AFAP1: variants seen among roughly 807,000 people sequenced by gnomAD.
AFAP1 encodes actin filament-associated protein 1.
In AFAP1, 75 loss-of-function variants were observed where a neutral mutation model predicts 93.9. That is an observed-to-expected ratio of 0.80 (90% confidence interval 0.66 to 0.97). The LOEUF is 0.97. Ranked by LOEUF, AFAP1 falls within the 50% of genes least tolerant of loss-of-function variation. AFAP1 has a pLI of 0.00. For synonymous variants in AFAP1, 517 were observed against 430.7 expected, an observed-to-expected ratio of 1.20 and a Z score of -2.48; for missense variants, 1,201 against 1,050.8, an observed-to-expected ratio of 1.14 and a Z score of -1.98.
In AFAP1 at chr4:7,763,684, C is replaced by G. The variant is rs1714124971; in HGVS notation, c.*81G>C. The stretch of plus-strand genomic sequence containing the variant: ...GTCGTGCAGCTGAGGCCACTCTGGG[C>G]AGAGCTTCCTGCCGTCACACAGATG... On this transcript the variant is annotated 3_prime_UTR_variant, in exon 18 of 18. Coordinates refer to ENST00000420658, the MANE Select transcript of AFAP1 (RefSeq NM_001134647.2). The G allele has an allele frequency of 6.5e-7, 1 of 1,532,368 alleles. No individual in the cohort carries two copies. The highest frequency in any genetic ancestry group is 8.8e-7 in the Non-Finnish European group (1 of 1,130,004). 94.9% of individuals were successfully genotyped at this position (1,532,368 alleles called of 1,614,324 possible). A position where few individuals can be genotyped will look rare whatever the true frequency, so the allele number is the denominator to read the frequency against.
intron 8 of AFAP1, among the ~76,000 whole-genome samples, chr4:7,810,002 G>A (rs1719872224): frequency 6.6e-6 from 1 of 152,106 alleles, no homozygotes; most frequent in Non-Finnish European, 1.5e-5. Context: ...GGGACCACAG[G>A]TGCGTGTCAC....
chr4:7,780,161 A>T (rs142531349), intron 13 of AFAP1, among the ~76,000 whole-genome samples: 254 of 152,344 alleles, frequency 1.7e-3, no homozygotes, highest in African/African-American at 5.7e-3. Context: ...ACTTTTTGGC[A>T]TAAGTCCTCA....
intron 9 of AFAP1, among the ~76,000 whole-genome samples, chr4:7,806,753 G>T (rs1284748750): frequency 6.6e-6 from 1 of 152,150 alleles, no homozygotes; most frequent in Non-Finnish European, 1.5e-5. Flanking sequence ...GTGGACAGAG[G>T]ATGTTCTGTT....
At chr4:7,933,105 T>C (rs1721182096) in intron 1 of AFAP1, among the ~76,000 whole-genome samples, 1 of 150,080 alleles carries the variant, frequency 6.7e-6, no homozygotes, top group Admixed American at 6.6e-5. Flanking sequence ...ACCAGAGGCA[T>C]TGAAAACCAC....
intron 17 of AFAP1, among the ~76,000 whole-genome samples, chr4:7,766,779 TGAAGG>T (rs1560142439): frequency 6.6e-6 from 1 of 151,850 alleles, no homozygotes; most frequent in African/African-American, 2.4e-5. Flanking sequence ...CCTGCCCAGA[TGAAGG>T]GAAGGGAAAT....
intron 1 of AFAP1, among the ~76,000 whole-genome samples, chr4:7,898,286 T>C (rs904821751): frequency 3.3e-5 from 5 of 152,074 alleles, no homozygotes; most frequent in African/African-American, 1.2e-4. Flanking sequence ...TAGGCACCTG[T>C]AATCCCAGCT....
At chr4:7,882,722 G>A (rs1254384908) in intron 1 of AFAP1, among the ~76,000 whole-genome samples, 1 of 152,154 alleles carries the variant, frequency 6.6e-6, no homozygotes, top group East Asian at 1.9e-4. Flanking sequence ...AGCAGGGCGT[G>A]GTGGCACGTG....
At position 7,838,579 on chromosome 4, in the gene AFAP1, G is replaced by A. The variant is rs748965215; in HGVS notation, c.671C>T (p.Thr224Met). 19 of 1,614,008 alleles carry A rather than the reference G, an allele frequency of 1.2e-5. No individual in the cohort carries two copies. The highest frequency in any genetic ancestry group is 3.3e-5 in the Admixed American group (2 of 59,988). Residue 224 changes from threonine (T) to methionine (M), a missense_variant, in exon 6 of 18, where the codon ACG becomes ATG. Transcript: ENST00000420658. The stretch of plus-strand genomic sequence containing the variant: ...CTGGACGGCGAGAACAAGCGGGTCC[G>A]TGCCCTGCTGAGTAATCTTCAGCTC... ...KHELKITQQG[T>M]DPLVLAVQSK... is the part of the protein sequence containing the mutation.
At chr4:7,895,709 G>C (rs558165089) in intron 1 of AFAP1, among the ~76,000 whole-genome samples, 2 of 152,186 alleles carry the variant, frequency 1.3e-5, no homozygotes, top group Non-Finnish European at 1.5e-5. Flanking sequence ...GACAGAGCGA[G>C]CTCTGCTCAG....
At chr4:7,774,635 A>G in intron 15 of AFAP1, 104 bp downstream of exon 15, 1 of 1,461,956 alleles carries the variant, frequency 6.8e-7, no homozygotes, top group South Asian at 1.4e-5. Context: ...TACTAAATAA[A>G]ATGACAGCCT....
At chr4:7,772,712 C>G (rs1307782621) in intron 16 of AFAP1, 108 bp downstream of exon 16, 1 of 1,053,640 alleles carries the variant, frequency 9.5e-7, no homozygotes. Context: ...CACTAAGGGG[C>G]CACAAGCAAG....
At chr4:7,868,106 A>G (rs981238826) in intron 3 of AFAP1, among the ~76,000 whole-genome samples, 58 of 152,078 alleles carry the variant, frequency 3.8e-4, no homozygotes, top group Non-Finnish European at 3.7e-4. Flanking sequence ...AAAAACAACA[A>G]ATTTGAATTT....
At chr4:7,897,761 T>C (rs1321386101) in intron 1 of AFAP1, among the ~76,000 whole-genome samples, 1 of 152,076 alleles carries the variant, frequency 6.6e-6, no homozygotes, top group Non-Finnish European at 1.5e-5. Context: ...TGACCTCAGG[T>C]GATCCGCCTG....
At chr4:7,778,503 C>G in intron 14 of AFAP1, 1 of 540,168 alleles carries the variant, frequency 1.9e-6, no homozygotes, top group Non-Finnish European at 3.3e-6. Context: ...GCACTCACAA[C>G]TGCCTCCTAT....
At chr4:7,889,547 AAAAAAAAAAAAG>A (rs1266770103) in intron 1 of AFAP1, among the ~76,000 whole-genome samples, 1 of 148,098 alleles carries the variant, frequency 6.8e-6, no homozygotes, top group Non-Finnish European at 1.5e-5. Flanking sequence ...CATCCCAAAA[AAAAAAAAAAAAG>A]AAAAAAAAAA....
chr4:7,796,277 C>A (rs2149017475), intron 10 of AFAP1, among the ~76,000 whole-genome samples: 1 of 152,292 alleles, frequency 6.6e-6, no homozygotes, highest in African/African-American at 2.4e-5. Context: ...GAGCCTGGGG[C>A]ATCTCCTTGT....
At chr4:7,891,807 G>C (rs1478107288) in intron 1 of AFAP1, among the ~76,000 whole-genome samples, 5 of 147,636 alleles carry the variant, frequency 3.4e-5, no homozygotes, top group African/African-American at 7.5e-5. Context: ...CCAGCACTTT[G>C]GGATGCCAAG....
Position 7,815,439 on chromosome 4 carries a change from T to A in AFAP1, c.904+579A>T, listed in dbSNP as rs183384676. The stretch of plus-strand genomic sequence containing the variant: ...TATATTTTTATATAATGTACATTTT[T>A]AAAAATGTTTCAAATGAAGGCAAAA... On this transcript the variant is annotated intron_variant, in intron 8 of 17. Coordinates refer to ENST00000420658, the MANE Select transcript of AFAP1 (RefSeq NM_001134647.2). 4.4e-3 allele frequency among the ~76,000 whole-genome samples: 674 copies of A among 152,372 alleles called. 3 individuals are homozygous for A. Among genetic ancestry groups the A allele is most frequent in the Non-Finnish European group, 6.0e-3 (411 of 68,036 alleles).
rs1326311599 is a variant in AFAP1 at position 7,873,342 on chromosome 4, C to T, written c.-2-1262G>A. ...TTAAATCTAACCTTTGAAGACACAC[C>T]TTTTTTTTTTTTTTTTTTTTTTTTT... On this transcript the variant is annotated intron_variant, in intron 1 of 17. Transcript: ENST00000420658. 1.2e-3 allele frequency among the ~76,000 whole-genome samples: 61 copies of T among 50,980 alleles called. 1 individual carries two copies. Among genetic ancestry groups the T allele is most frequent in the African/African-American group, 3.3e-3 (46 of 13,796 alleles). The allele number at this position is 50,980 out of a possible 152,430, so 33.4% of individuals were successfully genotyped here. A position where few individuals can be genotyped will look rare whatever the true frequency, so the allele number is the denominator to read the frequency against.
Sources: allele counts gnomAD v4.1 joint callset (sites outside exome capture counted in the v4.1 genomes callset), GRCh38; gene constraint gnomAD v4.1.1; transcripts MANE v1.5; gene names NCBI Gene and HGNC (gene_info 2026-07-23, HGNC 2026-07-21).